Variants in RABGEF1 observed in about 807,000 individuals in gnomAD.
The protein encoded by RABGEF1 is RAB guanine nucleotide exchange factor 1, also known as rab5 GDP/GTP exchange factor.
In RABGEF1, 26 loss-of-function variants were observed where a neutral mutation model predicts 57.3. That is an observed-to-expected ratio of 0.45 (90% CI 0.33 to 0.63). RABGEF1 has a LOEUF of 0.63. RABGEF1 is among the 20% of genes least tolerant of loss of function. The pLI, the probability that RABGEF1 is intolerant of heterozygous loss-of-function variation, is 0.02. For synonymous variants in RABGEF1, 185 were observed against 210.7 expected (o/e 0.88, Z 1.06); for missense variants, 464 against 607.6 (o/e 0.76, Z 2.48).
intron 2 of RABGEF1, among the ~76,000 whole-genome samples, chr7:66,721,431 G>A (rs918853729): frequency 2.6e-5 from 4 of 152,092 alleles, no homozygotes; most frequent in African/African-American, 9.7e-5. Flanking sequence ...GAGGCTCTTG[G>A]GGGAGATGCT....
At chr7:66,808,484 G>A (rs1788949653) in intron 8 of RABGEF1, among the ~76,000 whole-genome samples, 1 of 152,186 alleles carries the variant, frequency 6.6e-6, no homozygotes, top group African/African-American at 2.4e-5. Context: ...AAAGTGCTGG[G>A]ATTACAGGCT....
chr7:66,708,596 G>C (rs1794410720), intron 1 of RABGEF1, among the ~76,000 whole-genome samples: 1 of 152,090 alleles, frequency 6.6e-6, no homozygotes, highest in Non-Finnish European at 1.5e-5. Flanking sequence ...GCCAGCCCAG[G>C]AGTTTGAGAC....
At position 66,777,009 on chromosome 7, in the gene RABGEF1, A is replaced by G. The variant is rs747686015; in HGVS notation, c.346+1616A>G. ...CAATAATACCTACCAGAGGCACGTG[A>G]TGAGGATTCAGTGAGTTAATGCATG... On this transcript the variant is annotated intron_variant, in intron 3 of 8. Transcript: ENST00000284957. 9.2e-5 allele frequency among the ~76,000 whole-genome samples: 14 copies of G among 152,304 alleles called. No individual in the cohort carries two copies. The South Asian group carries it at 2.7e-3, about 29-fold the overall frequency.
chr7:66,671,746 C>T, the RABGEF1 span, among the ~76,000 whole-genome samples: 29 of 151,150 alleles, frequency 1.9e-4, no homozygotes, highest in Non-Finnish European at 2.8e-4. Context: ...TGGTTGAGCC[C>T]AGGAGTTGGA....
upstream of RABGEF1, chr7:66,740,591 A>T (rs117096093): frequency 6.0e-4 from 92 of 152,648 alleles, 1 homozygote; most frequent in South Asian, 0.012. Context: ...GACCCTTTGG[A>T]TCCACTCGCA....
intron 1 of RABGEF1, chr7:66,748,749 T>A: frequency 6.5e-6 from 1 of 154,712 alleles, no homozygotes. Flanking sequence ...GATTACACTT[T>A]ATACCTTCAC....
chr7:66,744,915 G>C (rs117719951), intron 1 of RABGEF1, among the ~76,000 whole-genome samples: 1 of 151,838 alleles, frequency 6.6e-6, no homozygotes, highest in Non-Finnish European at 1.5e-5. Context: ...GTTATCAGCC[G>C]CACACGGTGG....
At chr7:66,659,499 G>A in the RABGEF1 span, among the ~76,000 whole-genome samples, 1 of 151,396 alleles carries the variant, frequency 6.6e-6, no homozygotes, top group Non-Finnish European at 1.5e-5. Context: ...TGCCCAACTG[G>A]CTGGCCGCAG....
At chr7:66,752,193 A>AT (rs199627935) in intron 1 of RABGEF1, among the ~76,000 whole-genome samples, 2 of 149,092 alleles carry the variant, frequency 1.3e-5, no homozygotes, top group Admixed American at 6.7e-5. Context: ...CTCTGTCCCA[A>AT]TTAAAAAAAA....
intron 1 of RABGEF1, among the ~76,000 whole-genome samples, chr7:66,687,170 G>A (rs1235699503): frequency 7.0e-6 from 1 of 142,938 alleles, no homozygotes; most frequent in Admixed American, 7.3e-5. Flanking sequence ...CTGTTGCTCA[G>A]GCTGGAGTGC....
intron 2 of RABGEF1, among the ~76,000 whole-genome samples, chr7:66,729,800 G>A (rs1230535865): frequency 6.6e-6 from 1 of 152,204 alleles, no homozygotes; most frequent in Non-Finnish European, 1.5e-5. Context: ...GCAGGTCCTG[G>A]CTGCCTTGTG....
At chr7:66,766,631 A>C (rs1413888052) in intron 1 of RABGEF1, among the ~76,000 whole-genome samples, 1 of 152,166 alleles carries the variant, frequency 6.6e-6, no homozygotes, top group East Asian at 1.9e-4. Context: ...CTCTCTGTCA[A>C]GTCTCATTAA....
At chr7:66,742,286 G>A (rs1474410082) in intron 1 of RABGEF1, among the ~76,000 whole-genome samples, 1 of 152,144 alleles carries the variant, frequency 6.6e-6, no homozygotes, top group Non-Finnish European at 1.5e-5. Context: ...ATTCATATCC[G>A]CAGGATTAAG....
intron 2 of RABGEF1, among the ~76,000 whole-genome samples, chr7:66,715,841 A>G (rs1232108661): frequency 6.6e-6 from 1 of 151,894 alleles, no homozygotes; most frequent in East Asian, 1.9e-4. Flanking sequence ...ACAGTCTCCA[A>G]CTCCTGGGTT....
chr7:66,765,376 C>A (rs368485029), intron 1 of RABGEF1, among the ~76,000 whole-genome samples: 1 of 151,960 alleles, frequency 6.6e-6, no homozygotes, highest in Non-Finnish European at 1.5e-5. Context: ...TATTGTATGC[C>A]AAGTAATCCA....
chr7:66,715,487 C>T (rs1273032053), intron 2 of RABGEF1, among the ~76,000 whole-genome samples: 3 of 152,158 alleles, frequency 2.0e-5, no homozygotes, highest in East Asian at 1.9e-4. Context: ...TTGGCGGCAT[C>T]GTGTAAGTTT....
chr7:66,688,829 C>T (rs1305950784), intron 1 of RABGEF1, among the ~76,000 whole-genome samples: 2 of 152,156 alleles, frequency 1.3e-5, no homozygotes, highest in African/African-American at 2.4e-5. Context: ...AGTGGTGGCT[C>T]ATGTCAACAT....
intron 2 of RABGEF1, among the ~76,000 whole-genome samples, chr7:66,773,081 TTG>T (rs1491098828): frequency 0.055 from 6,920 of 124,828 alleles, 211 homozygotes; most frequent in East Asian, 0.12. Flanking sequence ...AGCTAGTTGT[TTG>T]TTTTTTTTTT....
At chr7:66,662,179 C>T in the RABGEF1 span, among the ~76,000 whole-genome samples, 2 of 150,050 alleles carry the variant, frequency 1.3e-5, no homozygotes, top group Non-Finnish European at 2.9e-5. Flanking sequence ...GGGCAGTTTG[C>T]AGTGAGCCAA....
Sources: allele counts gnomAD v4.1 joint callset (sites outside exome capture counted in the v4.1 genomes callset), GRCh38; gene constraint gnomAD v4.1.1; transcripts MANE v1.5; gene names NCBI Gene and HGNC (gene_info 2026-07-23, HGNC 2026-07-21).